Variants in NRAP observed in about 807,000 individuals in gnomAD.
NRAP encodes nebulin related anchoring protein, also known as nebulin-related-anchoring protein.
Under a neutral mutation model 225.9 loss-of-function variants are expected in NRAP, and 189 were observed. The ratio of observed to expected loss-of-function variants is 0.84; its 90% CI spans 0.74 to 0.94. The LOEUF (loss-of-function observed/expected upper bound fraction) is 0.94. Among genes scored for constraint, NRAP ranks in the 40% least tolerant of loss-of-function variants. The probability of loss-of-function intolerance (pLI) is 0.00; values close to 1 mark genes in which losing one functional copy is unlikely to be tolerated. For synonymous variants in NRAP, 769 were observed against 790.7 expected, an observed-to-expected ratio of 0.97 and a Z score of 0.46; for missense variants, 2,176 against 2,168.7, an observed-to-expected ratio of 1.00 and a Z score of -0.07.
At chr10:113,640,388 T>A in intron 13 of NRAP, 57 bp from the exon 14 acceptor site, 1 of 967,804 alleles carries the variant, frequency 1.0e-6, no homozygotes, top group Non-Finnish European at 1.6e-6. Context: ...TTCTTTTGGC[T>A]TTGTTTGAAT....
intron 2 of NRAP, 50 bp downstream of exon 2, chr10:113,663,302 G>T: frequency 1.8e-6 from 2 of 1,138,692 alleles, no homozygotes; most frequent in Non-Finnish European, 2.7e-6. Flanking sequence ...GCTCCTTGTT[G>T]AAAAACAAAT....
At chr10:113,627,971 G>T (rs1848375370) in intron 20 of NRAP, among the ~76,000 whole-genome samples, 1 of 152,112 alleles carries the variant, frequency 6.6e-6, no homozygotes, top group Non-Finnish European at 1.5e-5. Context: ...ATTTGCAAGA[G>T]ATATGCCGAC....
intron 9 of NRAP, among the ~76,000 whole-genome samples, chr10:113,648,467 C>CTCTCTCTCTCTATATATA (rs749486311): frequency 1.8e-4 from 16 of 87,378 alleles, no homozygotes; most frequent in African/African-American, 4.5e-4. Context: ...CTCTCTCTCT[C>CTCTCTCTCTCTATATATA]TATATATATA....
At chr10:113,612,104 T>C in intron 30 of NRAP, 130 bp downstream of exon 30, 2 of 680,242 alleles carry the variant, frequency 2.9e-6, no homozygotes, top group Non-Finnish European at 5.1e-6. Context: ...CAGACTGGGT[T>C]TCAAAATAAG....
intron 27 of NRAP, among the ~76,000 whole-genome samples, chr10:113,615,447 AT>A (rs939897104): frequency 1.1e-4 from 16 of 152,192 alleles, no homozygotes; most frequent in Admixed American, 2.6e-4. Context: ...CTCCAAACCA[AT>A]GCTCTTTGAA....
intron 38 of NRAP, among the ~76,000 whole-genome samples, chr10:113,593,550 A>G (rs980242337): frequency 6.6e-6 from 1 of 152,218 alleles, no homozygotes; most frequent in Non-Finnish European, 1.5e-5. Context: ...GAAATGCAGA[A>G]CCGTTCGTTC....
chr10:113,661,768 T>G lies in NRAP; in HGVS notation c.255+911A>C, dbSNP rs538128693. 1.0e-3 allele frequency among the ~76,000 whole-genome samples: 159 copies of G among 152,332 alleles called. 1 individual carries two copies. Among genetic ancestry groups the G allele is most frequent in the Non-Finnish European group, 1.9e-3 (129 of 68,024 alleles). ...CCCACACGTCCTAAACTAAACTTCC[T>G]TTCCAAAGGAAAACATCTTTGACTT... On this transcript the variant is annotated intron_variant, in intron 3 of 41. Coordinates refer to ENST00000359988, the MANE Select transcript of NRAP (RefSeq NM_198060.4).
At chr10:113,648,672 C>A (rs1056428894) in intron 9 of NRAP, among the ~76,000 whole-genome samples, 7 of 152,006 alleles carry the variant, frequency 4.6e-5, no homozygotes, top group South Asian at 2.1e-4. Flanking sequence ...CATGCCCTGG[C>A]GAGTCATGCT....
At chr10:113,630,955 A>G (rs890359994) in intron 18 of NRAP, among the ~76,000 whole-genome samples, 1 of 151,586 alleles carries the variant, frequency 6.6e-6, no homozygotes, top group Non-Finnish European at 1.5e-5. Flanking sequence ...TTCTAGCAGA[A>G]CTCTCCTTTC....
rs1850811668 is a variant in NRAP, at chr10:113,663,348, T to C, written c.167+4A>G. ...AGGTAGTGGTGGGGGCATCAAACAC[T>C]TACGCGTGACAGTACGGCTTTTTCT... On this transcript the variant is annotated splice_donor_region_variant and intron_variant, in intron 2 of 41. Coordinates refer to ENST00000359988, the MANE Select transcript of NRAP (RefSeq NM_198060.4). 1 of 1,584,160 alleles carries C rather than the reference T, an allele frequency of 6.3e-7. No homozygotes were observed.
intron 4 of NRAP, among the ~76,000 whole-genome samples, chr10:113,655,419 T>C (rs1455313044): frequency 6.6e-6 from 1 of 151,680 alleles, no homozygotes; most frequent in Admixed American, 6.6e-5. Flanking sequence ...AATAATCCTG[T>C]CTATCAATAG....
chr10:113,643,099 TC>T, intron 11 of NRAP, 61 bp from the exon 12 acceptor site: 1 of 822,746 alleles, frequency 1.2e-6, no homozygotes, highest in Non-Finnish European at 2.1e-6. Flanking sequence ...CTTGAAAATG[TC>T]CCAGGACTTG....
At position 113,643,001 on chromosome 10, in the gene NRAP, T is replaced by C; in HGVS notation, c.1148A>G (p.His383Arg). 1.2e-6 allele frequency: 2 copies of C among 1,601,918 alleles called. No homozygotes were observed. The highest frequency in any genetic ancestry group is 1.7e-6 in the Non-Finnish European group (2 of 1,168,790). ...AGGTGTTTCACAGTAGTTGATACTG[T>C]GACCTCTACTACTTTCCAGATCCTT... ...YKKDLESSRG[H>R]SINYCETPQF... is the part of the protein sequence containing the mutation. The change falls in exon 12 of 42, where the codon CAC becomes CGC. Residue 383 changes from histidine to arginine, a missense_variant. Transcript: ENST00000359988.
At position 113,617,631 on chromosome 10, in the gene NRAP, G is replaced by T. The variant is rs1466717245; in HGVS notation, c.2875-78C>A. ...CATTTGAAAGAGAAAATCATAGGTT[G>T]CTTGAGATTAGAGTGAATTTGTGAA... On this transcript the variant is annotated intron_variant, in intron 25 of 41. Coordinates refer to ENST00000359988, the MANE Select transcript of NRAP (RefSeq NM_198060.4). 1.0e-5 allele frequency: 9 copies of T among 864,806 alleles called. No individual in the cohort carries two copies. The Admixed American group carries it at 1.2e-4, about 11-fold the overall frequency. The allele number at this position is 864,806 out of a possible 1,614,324, so 53.6% of individuals were successfully genotyped here.
intron 3 of NRAP, among the ~76,000 whole-genome samples, chr10:113,659,200 T>C (rs1021924634): frequency 9.9e-5 from 15 of 152,218 alleles, no homozygotes; most frequent in Admixed American, 3.3e-4. Context: ...TTTTTTGTTT[T>C]TACCTACAAA....
chr10:113,626,031 G>T lies in NRAP; in HGVS notation c.2244+16C>A, dbSNP rs374526607. ...GACACAGCAGCTTGGTGGAGAAAGGGCAGCCCAGGACTCACCCCGCTCTGT... is the reference window on the plus strand; with the variant it reads ...GACACAGCAGCTTGGTGGAGAAAGGTCAGCCCAGGACTCACCCCGCTCTGT... On this transcript the variant is annotated intron_variant, in intron 21 of 41. Coordinates refer to ENST00000359988, the MANE Select transcript of NRAP (RefSeq NM_198060.4). 39 of 1,574,092 alleles carry T rather than the reference G, an allele frequency of 2.5e-5. No individual in the cohort carries two copies. The Middle Eastern group carries it at 5.5e-4, about 22-fold the overall frequency.
At chr10:113,612,174 T>G in intron 30 of NRAP, 60 bp downstream of exon 30, 1 of 1,403,080 alleles carries the variant, frequency 7.1e-7, no homozygotes, top group Non-Finnish European at 1.0e-6. Context: ...AGCCTGGAGG[T>G]CACCACCCTG....
At chr10:113,654,173 C>T (rs1564761512) in intron 4 of NRAP, 48 bp from the exon 5 acceptor site, 2 of 1,040,344 alleles carry the variant, frequency 1.9e-6, no homozygotes, top group South Asian at 2.5e-5. Context: ...CCCAGACTCC[C>T]AGCAACACTT....
intron 30 of NRAP, 69 bp from the exon 31 acceptor site, chr10:113,610,632 C>A: frequency 1.1e-6 from 1 of 910,228 alleles, no homozygotes; most frequent in East Asian, 2.5e-5. Context: ...AAAGCAAAAC[C>A]AGAGGTCTCA....
Sources: allele counts gnomAD v4.1 joint callset (sites outside exome capture counted in the v4.1 genomes callset), GRCh38; gene constraint gnomAD v4.1.1; transcripts MANE v1.5; gene names NCBI Gene and HGNC (gene_info 2026-07-23, HGNC 2026-07-21).